The following IPO5 variants were observed in gnomAD, a reference collection of about 807,000 sequenced individuals.
IPO5 encodes importin 5, also known as importin-5.
A neutral mutation model predicts 143.3 loss-of-function variants in IPO5; 18 were observed. The observed-to-expected ratio is 0.13, with a 90% CI of 0.09 to 0.19. The LOEUF (loss-of-function observed/expected upper bound fraction) is 0.19, where lower values mean the gene tolerates loss of function less well. IPO5 is among the 10% of genes least tolerant of loss of function. IPO5 has a pLI of 1.00. For missense variants in IPO5, 1,013 were observed against 1,336.9 expected (o/e 0.76, Z 3.78); for synonymous variants, 477 against 465.7 (o/e 1.02, Z -0.31).
At chr13:97,998,390 A>T (rs954295179) in intron 12 of IPO5, among the ~76,000 whole-genome samples, 1 of 152,142 alleles carries the variant, frequency 6.6e-6, no homozygotes, top group African/African-American at 2.4e-5. Flanking sequence ...CTTTTTTGTG[A>T]TAAATGCTTT....
chr13:97,972,682 T>C (rs1015896853), intron 3 of IPO5, among the ~76,000 whole-genome samples: 1 of 152,126 alleles, frequency 6.6e-6, no homozygotes, highest in Non-Finnish European at 1.5e-5. Context: ...TTCGGGGCAG[T>C]TTTGTTTTTG....
rs981983182 is a variant in IPO5 at position 98,018,479 on chromosome 13, T to C, written c.2617-6T>C. On this transcript the variant is annotated splice_polypyrimidine_tract_variant and splice_region_variant and intron_variant, in intron 25 of 28. Transcript: ENST00000651721. ...TTTGAAGCTTAAAAGAGAATTTCTT[T>C]TGTAGTGTCCACATAGACCATGGCC... 1.9e-6 allele frequency: 3 copies of C among 1,603,490 alleles called. No homozygotes were observed. The highest frequency in any genetic ancestry group is 2.7e-5 in the African/African-American group (2 of 74,678).
At chr13:97,967,239 G>C (rs1885420037) in intron 2 of IPO5, among the ~76,000 whole-genome samples, 1 of 151,998 alleles carries the variant, frequency 6.6e-6, no homozygotes, top group Admixed American at 6.6e-5. Flanking sequence ...GGGTAGTGAT[G>C]TCTCCTCTTT....
intron 12 of IPO5, among the ~76,000 whole-genome samples, chr13:98,000,086 A>C (rs570146820): frequency 5.3e-4 from 80 of 152,248 alleles, no homozygotes; most frequent in East Asian, 5.8e-4. Context: ...AGATCAAGAC[A>C]ATCCTGGCTA....
At position 98,021,788 on chromosome 13, in the gene IPO5, A is replaced by G. The variant is rs1251985525; in HGVS notation, c.3260A>G (p.Gln1087Arg). 4.4e-6 allele frequency: 7 copies of G among 1,606,568 alleles called. No individual in the cohort carries two copies. Among genetic ancestry groups the G allele is most frequent in the Middle Eastern group, 3.3e-4 (2 of 6,030 alleles). ...ECIAQLSPEQ[Q>R]AAIQELLNSA ...ATAGCACAGCTCAGTCCTGAGCAGC[A>G]GGCCGCCATTCAGGAGCTCCTGAAC... is the stretch of plus-strand genomic sequence containing the variant. Residue 1087 changes from glutamine (Q) to arginine (R), a missense_variant, in exon 29 of 29, where the codon CAG becomes CGG. By Grantham distance (43) the Gln-to-Arg change is conservative. Coordinates refer to ENST00000651721, the MANE Select transcript of IPO5 (RefSeq NM_002271.6).
At chr13:97,978,234 AT>A (rs1359747527) in intron 4 of IPO5, among the ~76,000 whole-genome samples, 1 of 152,188 alleles carries the variant, frequency 6.6e-6, no homozygotes, top group Non-Finnish European at 1.5e-5. Flanking sequence ...TAACATACAC[AT>A]TCATTTTTTA....
At chr13:97,984,059 A>G (rs1182046193) in intron 5 of IPO5, among the ~76,000 whole-genome samples, 5 of 128,430 alleles carry the variant, frequency 3.9e-5, no homozygotes, top group African/African-American at 8.9e-5. Flanking sequence ...GCTCACTGCA[A>G]GCTCCGCCTC....
At chr13:97,962,342 A>C (rs1884959343) in intron 2 of IPO5, among the ~76,000 whole-genome samples, 1 of 152,170 alleles carries the variant, frequency 6.6e-6, no homozygotes, top group African/African-American at 2.4e-5. Context: ...TCTTGTAAGA[A>C]TTTTATAGTT....
intron 13 of IPO5, among the ~76,000 whole-genome samples, chr13:98,001,485 C>CGTGGTG (rs1888770501): frequency 6.6e-6 from 1 of 152,080 alleles, no homozygotes; most frequent in African/African-American, 2.4e-5. Flanking sequence ...GCCACCACGC[C>CGTGGTG]CAGCTATTTC....
intron 2 of IPO5, among the ~76,000 whole-genome samples, chr13:97,965,003 T>C (rs916585459): frequency 6.6e-6 from 1 of 152,174 alleles, no homozygotes. Context: ...TTGAATACTA[T>C]GCAGCCATAA....
At chr13:97,972,180 A>G (rs1885880568) in intron 3 of IPO5, among the ~76,000 whole-genome samples, 1 of 152,220 alleles carries the variant, frequency 6.6e-6, no homozygotes, top group African/African-American at 2.4e-5. Context: ...ACTTAAAACA[A>G]AATTAGATTA....
intron 11 of IPO5, among the ~76,000 whole-genome samples, chr13:97,996,266 G>T (rs1888279743): frequency 6.6e-6 from 1 of 152,086 alleles, no homozygotes; most frequent in African/African-American, 2.4e-5. Context: ...GCCCAGGCTG[G>T]TCTTGAACTC....
In IPO5 at chr13:97,969,082, A is replaced by G. The variant is rs185023366; in HGVS notation, c.-112-641A>G. Among the ~76,000 whole-genome samples, 784 of 144,016 alleles carry G rather than the reference A, an allele frequency of 5.4e-3. 9 individuals carry two copies. Among genetic ancestry groups the G allele is most frequent in the African/African-American group, 0.019 (745 of 38,612 alleles). The allele number at this position is 144,016 out of a possible 152,430, so 94.5% of individuals were successfully genotyped here. A position where few individuals can be genotyped will look rare whatever the true frequency, so the allele number is the denominator to read the frequency against. ...CTGTTTGCATGGTGTGTCTTTTTCT[A>G]TCCTTTTACTTTCAACCTATTTGTG... On this transcript the variant is annotated intron_variant, in intron 2 of 28. Transcript: ENST00000651721.
At chr13:98,005,198 CTTTTT>C (rs1172863199) in intron 16 of IPO5, among the ~76,000 whole-genome samples, 1 of 142,902 alleles carries the variant, frequency 7.0e-6, no homozygotes, top group African/African-American at 2.6e-5. Context: ...TGCCTGGCTT[CTTTTT>C]TTTTTTTTCC....
intron 2 of IPO5, among the ~76,000 whole-genome samples, chr13:97,961,147 TG>T (rs1211975007): frequency 6.6e-6 from 1 of 152,266 alleles, no homozygotes; most frequent in African/African-American, 2.4e-5. Context: ...TGTTGTTACA[TG>T]TATCATTACT....
At chr13:98,003,128 C>A in intron 16 of IPO5, 91 bp downstream of exon 16, 1 of 951,198 alleles carries the variant, frequency 1.1e-6, no homozygotes, top group Non-Finnish European at 1.6e-6. Context: ...GGACTTGCAG[C>A]ATGACCATAA....
chr13:97,988,306 A>T (rs1164015057), intron 6 of IPO5, among the ~76,000 whole-genome samples: 1 of 152,232 alleles, frequency 6.6e-6, no homozygotes, highest in Non-Finnish European at 1.5e-5. Context: ...GGGTCCTGAG[A>T]TTCTAACCCT....
In IPO5 at chr13:97,980,826, C is replaced by CAAA. The variant is rs374921610; in HGVS notation, c.91-1661_91-1659dup. 9.0e-4 allele frequency among the ~76,000 whole-genome samples: 98 copies of CAAA among 108,770 alleles called. 2 individuals are homozygous for CAAA. In the East Asian group the frequency reaches 0.022, roughly 24 times the overall value. 71.4% of individuals were successfully genotyped at this position (108,770 alleles called of 152,430 possible). ...TGGGCGACAGAGTGAGACTCTATCT[C>CAAA]AAAAAAAAAAAAAAAAAAGTTTTTG... On this transcript the variant is annotated intron_variant, in intron 4 of 28. Coordinates refer to ENST00000651721, the MANE Select transcript of IPO5 (RefSeq NM_002271.6).
intron 16 of IPO5, among the ~76,000 whole-genome samples, chr13:98,003,989 G>A (rs148898106): frequency 6.6e-6 from 1 of 152,342 alleles, no homozygotes; most frequent in African/African-American, 2.4e-5. Context: ...AATAAGGGAT[G>A]CAACCTGAAA....
Sources: gnomAD v4.1 joint callset for allele counts (sites outside exome capture counted in the v4.1 genomes callset) on GRCh38, gnomAD v4.1.1 for gene constraint, MANE v1.5 for transcripts, NCBI Gene and HGNC (gene_info 2026-07-23, HGNC 2026-07-21) for gene names.